RARB: variants seen among roughly 807,000 people sequenced by gnomAD.
The protein encoded by RARB is HBV-activated protein.
Under a neutral mutation model 51.9 loss-of-function variants are expected in RARB, and 17 were observed. The observed-to-expected ratio is 0.33, with a 90% CI of 0.22 to 0.49. The LOEUF (loss-of-function observed/expected upper bound fraction) is 0.49, where lower values mean the gene tolerates loss of function less well. RARB is among the 20% of genes least tolerant of loss of function. The pLI is 0.99. For missense variants in RARB, 369 were observed against 550.8 expected, an observed-to-expected ratio of 0.67 and a Z score of 3.30; for synonymous variants, 215 against 195.4, an observed-to-expected ratio of 1.10 and a Z score of -0.84.
Position 25,060,902 on chromosome 3 carries a change from G to A in RARB, c.-328+726G>A, listed in dbSNP as rs116484523. 4.6e-3 allele frequency among the ~76,000 whole-genome samples: 698 copies of A among 151,856 alleles called. 6 individuals are homozygous for A. Among genetic ancestry groups the A allele is most frequent in the African/African-American group, 0.016 (661 of 41,496 alleles). On this transcript the variant is annotated intron_variant, in intron 3 of 11. Transcript: ENST00000383772. ...TAGGTAAGAAAAGACTTTTTCTTTTGGGATGGGGTAAAAGCAGAATTTATG... is the reference window on the plus strand; with the variant it reads ...TAGGTAAGAAAAGACTTTTTCTTTTAGGATGGGGTAAAAGCAGAATTTATG...
intron 5 of RARB, among the ~76,000 whole-genome samples, chr3:25,185,636 A>C (rs1700957478): frequency 1.3e-5 from 2 of 152,150 alleles, no homozygotes. Context: ...TTTTATAATC[A>C]GAATGGCTTT....
intron 5 of RARB, among the ~76,000 whole-genome samples, chr3:25,244,958 C>T (rs1240118126): frequency 6.6e-6 from 1 of 152,134 alleles, no homozygotes; most frequent in African/African-American, 2.4e-5. Context: ...TTGTAGATCT[C>T]TAAGAACTTG....
intron 2 of RARB, among the ~76,000 whole-genome samples, chr3:24,918,465 C>A (rs1006917784): frequency 4.6e-5 from 7 of 152,122 alleles, no homozygotes; most frequent in Non-Finnish European, 1.5e-5. Flanking sequence ...TATTTTAAAA[C>A]TTGAGTGTGA....
chr3:25,453,791 G>A (rs764750068), intron 1 of RARB, among the ~76,000 whole-genome samples: 21 of 152,120 alleles, frequency 1.4e-4, no homozygotes, highest in Non-Finnish European at 2.4e-4. Flanking sequence ...TTAGGGTCAC[G>A]GGCAGGTTAC....
chr3:25,286,604 C>A (rs961564522), intron 5 of RARB, among the ~76,000 whole-genome samples: 2 of 152,172 alleles, frequency 1.3e-5, no homozygotes, highest in Non-Finnish European at 2.9e-5. Context: ...TAAAGTCTCA[C>A]CTCCTTACTC....
At chr3:25,324,827 C>G (rs1030804977) in intron 5 of RARB, among the ~76,000 whole-genome samples, 1 of 152,178 alleles carries the variant, frequency 6.6e-6, no homozygotes, top group African/African-American at 2.4e-5. Flanking sequence ...TTTTCCTCTC[C>G]CCTCCATCCC....
chr3:24,850,617 G>T (rs762146703), intron 1 of RARB, among the ~76,000 whole-genome samples: 6 of 148,450 alleles, frequency 4.0e-5, no homozygotes, highest in Non-Finnish European at 8.8e-5. Flanking sequence ...AGTAGGAAGT[G>T]CTTTCTGAAT....
intron 5 of RARB, among the ~76,000 whole-genome samples, chr3:25,376,048 G>A (rs1706450077): frequency 6.6e-6 from 1 of 152,194 alleles, no homozygotes; most frequent in Non-Finnish European, 1.5e-5. Context: ...ACCATGCCTG[G>A]CCCATAGGGA....
intron 2 of RARB, among the ~76,000 whole-genome samples, chr3:25,477,491 T>C (rs944198766): frequency 6.6e-6 from 1 of 152,260 alleles, no homozygotes; most frequent in Non-Finnish European, 1.5e-5. Context: ...CTGTTTGTCA[T>C]ATACAACAGT....
At chr3:25,448,417 G>GTAGC (rs1709045411) in intron 1 of RARB, among the ~76,000 whole-genome samples, 1 of 152,140 alleles carries the variant, frequency 6.6e-6, no homozygotes, top group African/African-American at 2.4e-5. Context: ...AACCAACAAT[G>GTAGC]TAGCATTCCT....
chr3:25,445,098 C>T (rs1042953352), intron 1 of RARB, among the ~76,000 whole-genome samples: 9 of 152,146 alleles, frequency 5.9e-5, no homozygotes, highest in Admixed American at 5.2e-4. Flanking sequence ...TACAAGCACA[C>T]ATGACCACAC....
intron 2 of RARB, among the ~76,000 whole-genome samples, chr3:24,999,166 G>A (rs547624253): frequency 2.2e-4 from 33 of 152,224 alleles, no homozygotes; most frequent in African/African-American, 5.5e-4. Context: ...TATAATAGGT[G>A]TAGAAGTACT....
intron 1 of RARB, among the ~76,000 whole-genome samples, chr3:24,853,150 T>TA (rs779808875): frequency 0.054 from 6,985 of 129,058 alleles, 344 homozygotes; most frequent in African/African-American, 0.16. Context: ...CTGTCTTTAC[T>TA]AAAAAAAAAA....
intron 5 of RARB, among the ~76,000 whole-genome samples, chr3:25,247,524 G>A (rs1171660352): frequency 6.6e-6 from 1 of 152,194 alleles, no homozygotes; most frequent in Non-Finnish European, 1.5e-5. Context: ...GGGCCAAATA[G>A]CTCCATCCCT....
At chr3:24,986,709 T>A (rs1474210550) in intron 2 of RARB, among the ~76,000 whole-genome samples, 1 of 152,214 alleles carries the variant, frequency 6.6e-6, no homozygotes, top group South Asian at 2.1e-4. Context: ...GTGTGTTTTA[T>A]GGTTCAAATA....
At chr3:25,292,083 G>A (rs1703801338) in intron 5 of RARB, among the ~76,000 whole-genome samples, 1 of 150,914 alleles carries the variant, frequency 6.6e-6, no homozygotes, top group Non-Finnish European at 1.5e-5. Flanking sequence ...GAGATTAATT[G>A]TTTCTCAAAC....
At chr3:25,015,470 G>GT (rs1184384774) in intron 2 of RARB, among the ~76,000 whole-genome samples, 7 of 152,132 alleles carry the variant, frequency 4.6e-5, no homozygotes, top group Non-Finnish European at 1.0e-4. Flanking sequence ...GGAAGAGCTG[G>GT]TTGACACCTT....
chr3:25,047,265 T>C (rs918567063), intron 2 of RARB, among the ~76,000 whole-genome samples: 6 of 152,120 alleles, frequency 3.9e-5, no homozygotes, highest in African/African-American at 7.2e-5. Flanking sequence ...TGGTGACTCA[T>C]ATTAGTCAGC....
chr3:25,144,289 A>C (rs572916103), intron 4 of RARB, among the ~76,000 whole-genome samples: 25 of 152,260 alleles, frequency 1.6e-4, no homozygotes, highest in African/African-American at 5.5e-4. Context: ...AGGCCCTTCA[A>C]ATTCTGCTTG....
Sources: gnomAD v4.1 joint callset for allele counts (sites outside exome capture counted in the v4.1 genomes callset) on GRCh38, gnomAD v4.1.1 for gene constraint, MANE v1.5 for transcripts, NCBI Gene and HGNC (gene_info 2026-07-23, HGNC 2026-07-21) for gene names.